AFG2A: variants seen among roughly 807,000 people sequenced by gnomAD.
AFG2A encodes the protein AAA ATPase AFG2A.
the AFG2A span, among the ~76,000 whole-genome samples, chr4:123,040,904 A>G: frequency 6.6e-6 from 1 of 152,132 alleles, no homozygotes; most frequent in Non-Finnish European, 1.5e-5. Flanking sequence ...ACCAATGTAC[A>G]AATAATTGAT....
chr4:123,215,662 T>C, the AFG2A span, among the ~76,000 whole-genome samples: 1 of 152,074 alleles, frequency 6.6e-6, no homozygotes, highest in African/African-American at 2.4e-5. Flanking sequence ...CTTCCCAAAG[T>C]GCTCCTTCTG....
chr4:123,273,230 A>G, the AFG2A span, among the ~76,000 whole-genome samples: 1 of 152,162 alleles, frequency 6.6e-6, no homozygotes, highest in Non-Finnish European at 1.5e-5. Flanking sequence ...AGCTACGTTA[A>G]CATTGGGTTT....
At chr4:123,203,920 A>G in the AFG2A span, among the ~76,000 whole-genome samples, 1 of 152,230 alleles carries the variant, frequency 6.6e-6, no homozygotes, top group Non-Finnish European at 1.5e-5. Context: ...GCAAGGTTGC[A>G]TTCCTTTCTG....
At chr4:123,280,677 C>T in the AFG2A span, among the ~76,000 whole-genome samples, 1 of 152,208 alleles carries the variant, frequency 6.6e-6, no homozygotes, top group African/African-American at 2.4e-5. Flanking sequence ...TGACCTATGC[C>T]TCCCTGTTCC....
At chr4:123,161,566 G>A in the AFG2A span, among the ~76,000 whole-genome samples, 1 of 152,136 alleles carries the variant, frequency 6.6e-6, no homozygotes, top group Non-Finnish European at 1.5e-5. Flanking sequence ...TCTTCTAATT[G>A]CATAGTTCAA....
At chr4:122,993,833 A>C in the AFG2A span, among the ~76,000 whole-genome samples, 1 of 152,008 alleles carries the variant, frequency 6.6e-6, no homozygotes, top group Non-Finnish European at 1.5e-5. Flanking sequence ...AATAATTATT[A>C]ATTATATATC....
chr4:123,281,125 A>G, the AFG2A span, among the ~76,000 whole-genome samples: 3 of 152,164 alleles, frequency 2.0e-5, no homozygotes. Context: ...GATATAGTTG[A>G]AACTCTAAAG....
the AFG2A span, among the ~76,000 whole-genome samples, chr4:123,166,754 T>C: frequency 6.6e-6 from 1 of 152,154 alleles, no homozygotes; most frequent in South Asian, 2.1e-4. Flanking sequence ...AGTCTATAAA[T>C]CTATCAACTG....
the AFG2A span, among the ~76,000 whole-genome samples, chr4:123,247,507 C>A: frequency 1.3e-5 from 2 of 152,082 alleles, no homozygotes; most frequent in Non-Finnish European, 2.9e-5. Context: ...TAGGCCTCAA[C>A]CTCCTGGGCT....
At chr4:123,148,955 G>A in the AFG2A span, among the ~76,000 whole-genome samples, 2 of 151,916 alleles carry the variant, frequency 1.3e-5, no homozygotes, top group Non-Finnish European at 2.9e-5. Flanking sequence ...TTTTAGTAGA[G>A]ACAAGGTTTC....
chr4:123,293,110 G>A, the AFG2A span, among the ~76,000 whole-genome samples: 1 of 152,158 alleles, frequency 6.6e-6, no homozygotes, highest in Admixed American at 6.5e-5. Flanking sequence ...CTGCAGAAAT[G>A]CTGACATTCA....
chr4:123,015,772 T>C, the AFG2A span, among the ~76,000 whole-genome samples: 1,694 of 127,580 alleles, frequency 0.013, 43 homozygotes, highest in African/African-American at 0.048. Context: ...CGGGCAGAGG[T>C]GCCCCTCACC....
At chr4:123,164,631 T>C in the AFG2A span, among the ~76,000 whole-genome samples, 18 of 152,250 alleles carry the variant, frequency 1.2e-4, no homozygotes, top group Non-Finnish European at 7.3e-5. Flanking sequence ...TGTATAATTA[T>C]CTAATTAAGA....
At chr4:123,088,811 G>A in the AFG2A span, among the ~76,000 whole-genome samples, 1 of 152,104 alleles carries the variant, frequency 6.6e-6, no homozygotes, top group Non-Finnish European at 1.5e-5. Context: ...TCCCGGTCAT[G>A]CTTGCTGTTA....
chr4:122,987,323 T>G, the AFG2A span, among the ~76,000 whole-genome samples: 2 of 152,154 alleles, frequency 1.3e-5, no homozygotes, highest in Non-Finnish European at 2.9e-5. Context: ...TTAAAATCTT[T>G]AAATTAGAGT....
chr4:123,007,989 TTTTTG>T, the AFG2A span, among the ~76,000 whole-genome samples: 1 of 152,132 alleles, frequency 6.6e-6, no homozygotes, highest in Non-Finnish European at 1.5e-5. Context: ...TAGTTTAGTT[TTTTTG>T]TTTTGTTTTT....
the AFG2A span, among the ~76,000 whole-genome samples, chr4:123,247,713 T>G: frequency 2.7e-4 from 41 of 152,126 alleles, no homozygotes; most frequent in Non-Finnish European, 7.4e-5. Flanking sequence ...CAGTTGTGTG[T>G]GTGCCACTGT....
At chr4:123,007,889 T>C in the AFG2A span, among the ~76,000 whole-genome samples, 2 of 152,064 alleles carry the variant, frequency 1.3e-5, no homozygotes, top group Admixed American at 1.3e-4. Flanking sequence ...GCTCATCTTA[T>C]TGGTTTCCCT....
At chr4:123,094,267 C>G in the AFG2A span, among the ~76,000 whole-genome samples, 1 of 152,092 alleles carries the variant, frequency 6.6e-6, no homozygotes, top group Non-Finnish European at 1.5e-5. Flanking sequence ...TTTGAAAGGC[C>G]TTTTGAACCT....
Sources: allele counts gnomAD v4.1 joint callset (sites outside exome capture counted in the v4.1 genomes callset), GRCh38; gene constraint gnomAD v4.1.1; transcripts MANE v1.5; gene names NCBI Gene and HGNC (gene_info 2026-07-23, HGNC 2026-07-21).